Variants in EXOC3 observed in about 807,000 individuals in gnomAD.
EXOC3 encodes SEC6-like 1.
EXOC3 carries 21 observed loss-of-function variants against 73.7 expected under a neutral mutation model. That is an observed-to-expected ratio of 0.29 (90% CI 0.20 to 0.41). The LOEUF (loss-of-function observed/expected upper bound fraction) is 0.41, where lower values mean the gene tolerates loss of function less well. EXOC3 is among the 10% of genes least tolerant of loss of function. The pLI is 1.00. For missense variants in EXOC3, 842 were observed against 985.1 expected (o/e 0.85, Z 1.95); for synonymous variants, 410 against 389.1 (o/e 1.05, Z -0.63).
At chr5:455,681 A>G (rs1006632385) in intron 4 of EXOC3, among the ~76,000 whole-genome samples, 1 of 152,036 alleles carries the variant, frequency 6.6e-6, no homozygotes, top group East Asian at 1.9e-4. Context: ...TTGTGGGTAC[A>G]TAGTAGGTGT....
chr5:452,006 G>C (rs1407198198), intron 3 of EXOC3, among the ~76,000 whole-genome samples: 1 of 152,186 alleles, frequency 6.6e-6, no homozygotes, highest in Non-Finnish European at 1.5e-5. Context: ...TTGTATCTTA[G>C]TGTGGACCTC....
intron 10 of EXOC3, 179 bp from the exon 11 acceptor site, chr5:464,932 G>A (rs1738095530): frequency 1.5e-6 from 1 of 667,502 alleles, no homozygotes; most frequent in Non-Finnish European, 2.5e-6. Context: ...CACCGTCACT[G>A]TTCCCCCACT....
At chr5:452,941 G>C (rs1174016226) in intron 3 of EXOC3, among the ~76,000 whole-genome samples, 4 of 152,242 alleles carry the variant, frequency 2.6e-5, no homozygotes, top group African/African-American at 7.2e-5. Context: ...GTGAACAGGG[G>C]AAGATGCAAC....
At chr5:445,360 T>G (rs1232697815) in intron 1 of EXOC3, among the ~76,000 whole-genome samples, 2 of 150,808 alleles carry the variant, frequency 1.3e-5, no homozygotes, top group African/African-American at 2.4e-5. Flanking sequence ...TTTCTTTTTT[T>G]TTTTTTTGAG....
chr5:467,246 G>A lies in EXOC3; in HGVS notation c.*348G>A, dbSNP rs1021063291. ...CCGCACCCCATCTGCTTAAGTGCTC[G>A]GAACCCCGTCACCTAATTAAAGTTT... On this transcript the variant is annotated 3_prime_UTR_variant, in exon 13 of 13. Transcript: ENST00000512944. 3.8e-5 allele frequency: 10 copies of A among 264,702 alleles called. No individual in the cohort carries two copies. Among genetic ancestry groups the A allele is most frequent in the Non-Finnish European group, 5.7e-5 (8 of 140,504 alleles). 16.4% of individuals were successfully genotyped at this position (264,702 alleles called of 1,614,324 possible).
At position 446,192 on chromosome 5, in the gene EXOC3, C is replaced by T. The variant is rs772541654; in HGVS notation, c.-14C>T. The T allele has an allele frequency of 1.9e-6, 3 of 1,613,888 alleles. No individual in the cohort carries two copies. In the South Asian group the frequency reaches 3.3e-5, roughly 18 times the overall value. ...TAGCATGAACAGTGTGAGGATTCCA[C>T]CAGCTTTTTCACCATGAAGGAGACA... On this transcript the variant is annotated 5_prime_UTR_variant, in exon 2 of 13. Transcript: ENST00000512944.
At chr5:450,869 T>A (rs914492968) in intron 3 of EXOC3, among the ~76,000 whole-genome samples, 1 of 152,152 alleles carries the variant, frequency 6.6e-6, no homozygotes, top group Non-Finnish European at 1.5e-5. Context: ...ATTATTTATA[T>A]GGAATATCTT....
At chr5:444,126 C>A (rs528494778) in intron 1 of EXOC3, among the ~76,000 whole-genome samples, 7 of 152,308 alleles carry the variant, frequency 4.6e-5, no homozygotes, top group African/African-American at 1.4e-4. Context: ...AGTAGGGTGT[C>A]CCCCCGCTCG....
At chr5:447,787 C>T in intron 3 of EXOC3, 35 bp downstream of exon 3, 1 of 1,446,498 alleles carries the variant, frequency 6.9e-7, no homozygotes, top group Non-Finnish European at 9.4e-7. Flanking sequence ...TGCCCCCACT[C>T]ACGCTGTCTT....
chr5:464,892 C>T, intron 10 of EXOC3: 4 of 585,676 alleles, frequency 6.8e-6, no homozygotes, highest in Middle Eastern at 4.6e-4. Flanking sequence ...CTGCTGGGGG[C>T]CGGAGCTGGC....
Position 466,902 on chromosome 5 carries a change from C to T in EXOC3, c.*4C>T, listed in dbSNP as rs772325804. The T allele has an allele frequency of 8.8e-6, 14 of 1,594,976 alleles. No homozygotes were observed. In the Admixed American group the frequency reaches 2.4e-4, roughly 28 times the overall value. On this transcript the variant is annotated 3_prime_UTR_variant, in exon 13 of 13. Coordinates refer to ENST00000512944, the MANE Select transcript of EXOC3 (RefSeq NM_007277.5). ...CGTGGCCAAGCTGCTCAAGTAGCCT[C>T]CGCCGGCCTGCCCTGCTCGCCCCTC...
At chr5:466,118 C>G in intron 12 of EXOC3, 1 of 361,928 alleles carries the variant, frequency 2.8e-6, no homozygotes, top group Non-Finnish European at 5.1e-6. Context: ...TGTGACAGCT[C>G]TGCTGTGTGT....
At chr5:454,216 T>G (rs1737738598) in intron 4 of EXOC3, among the ~76,000 whole-genome samples, 165 bp downstream of exon 4, 1 of 152,282 alleles carries the variant, frequency 6.6e-6, no homozygotes, top group African/African-American at 2.4e-5. Context: ...CTGCTCTGCC[T>G]GCTGGTGCCC....
intron 11 of EXOC3, 68 bp downstream of exon 11, chr5:465,340 G>A: frequency 6.6e-7 from 1 of 1,507,530 alleles, no homozygotes; most frequent in Non-Finnish European, 8.9e-7. Context: ...CCTCCACCCC[G>A]GGACTCGGGC....
In EXOC3 at chr5:447,601, C is replaced by G. The variant is rs756491451; in HGVS notation, c.213C>G (p.Asp71Glu). Reference sequence around the variant, plus strand: ...GCCAGCTCCACAACGCCCTGAATGACGTCAAAGACATCCAGCAGTCGCTGG... The same window carrying G: ...GCCAGCTCCACAACGCCCTGAATGAGGTCAAAGACATCCAGCAGTCGCTGG... ...GLSQLHNALN[D>E]VKDIQQSLAD... is the part of the protein sequence containing the mutation. The change falls in exon 3 of 13, where the codon GAC (aspartate) becomes GAG (glutamate). Residue 71 changes from aspartate (D) to glutamate (E), a missense_variant. Asp to Glu is a conservative substitution (Grantham distance 45, BLOSUM62 2). Transcript: ENST00000512944. 3.8e-6 allele frequency: 6 copies of G among 1,590,306 alleles called. No individual in the cohort carries two copies. The highest frequency in any genetic ancestry group is 5.1e-6 in the Non-Finnish European group (6 of 1,168,382).
chr5:455,533 T>C (rs1425252190), intron 4 of EXOC3, among the ~76,000 whole-genome samples: 2 of 152,266 alleles, frequency 1.3e-5, no homozygotes, highest in Admixed American at 1.3e-4. Flanking sequence ...GGATTTCTTA[T>C]AGTGGACTGG....
At chr5:448,764 G>A (rs1484708841) in intron 3 of EXOC3, among the ~76,000 whole-genome samples, 5 of 152,174 alleles carry the variant, frequency 3.3e-5, no homozygotes, top group Non-Finnish European at 5.9e-5. Context: ...CCCTCCTCTC[G>A]TGCTTGCGGC....
intron 7 of EXOC3, 59 bp from the exon 8 acceptor site, chr5:461,901 A>C: frequency 8.0e-7 from 1 of 1,257,028 alleles, no homozygotes; most frequent in Non-Finnish European, 1.1e-6. Flanking sequence ...TCAGCGTGGC[A>C]TTTGAAACAG....
chr5:454,465 G>A (rs997578159), intron 4 of EXOC3, among the ~76,000 whole-genome samples: 2 of 152,228 alleles, frequency 1.3e-5, no homozygotes, highest in Admixed American at 1.3e-4. Context: ...CACTGGGGAG[G>A]AGACCACTAC....
Sources: allele counts gnomAD v4.1 joint callset (sites outside exome capture counted in the v4.1 genomes callset), GRCh38; gene constraint gnomAD v4.1.1; transcripts MANE v1.5; gene names NCBI Gene and HGNC (gene_info 2026-07-23, HGNC 2026-07-21).